Variants in RIPOR2 observed in about 807,000 individuals in gnomAD.
RIPOR2 encodes the protein RHO family interacting cell polarization regulator 2.
Under a neutral mutation model 114.5 loss-of-function variants are expected in RIPOR2, and 39 were observed. The ratio of observed to expected loss-of-function variants is 0.34; its 90% CI spans 0.26 to 0.44. The LOEUF (loss-of-function observed/expected upper bound fraction) is 0.44. Among genes scored for constraint, RIPOR2 ranks in the 20% least tolerant of loss-of-function variants. The pLI is 1.00. For missense variants in RIPOR2, 1,007 were observed against 1,255.1 expected, an observed-to-expected ratio of 0.80 and a Z score of 2.99; for synonymous variants, 445 against 484.4, an observed-to-expected ratio of 0.92 and a Z score of 1.07.
At chr6:25,030,638 T>C (rs1186613964) in intron 1 of RIPOR2, among the ~76,000 whole-genome samples, 1 of 152,210 alleles carries the variant, frequency 6.6e-6, no homozygotes, top group African/African-American at 2.4e-5. Flanking sequence ...ATGATTCTGT[T>C]TATGAGATAT....
At chr6:24,938,776 C>T (rs1267841996), upstream of RIPOR2, among the ~76,000 whole-genome samples, 11 of 152,158 alleles carry the variant, frequency 7.2e-5, no homozygotes, top group East Asian at 7.7e-4. Flanking sequence ...AATGCTACCA[C>T]GAACTCCTTG....
At chr6:24,945,112 T>G (rs967347571) in intron 1 of RIPOR2, among the ~76,000 whole-genome samples, 1 of 151,960 alleles carries the variant, frequency 6.6e-6, no homozygotes, top group Non-Finnish European at 1.5e-5. Flanking sequence ...AAATATCACA[T>G]GTACCCCCAA....
intron 1 of RIPOR2, among the ~76,000 whole-genome samples, chr6:24,910,268 G>A (rs943998656): frequency 6.6e-6 from 1 of 152,016 alleles, no homozygotes; most frequent in African/African-American, 2.4e-5. Flanking sequence ...CATTCCACCT[G>A]GCCAATTTGG....
chr6:25,030,047 C>G (rs953649109), intron 1 of RIPOR2, among the ~76,000 whole-genome samples: 5 of 152,034 alleles, frequency 3.3e-5, no homozygotes, highest in Admixed American at 2.0e-4. Flanking sequence ...CTTAGCATGA[C>G]AGGACCGTTA....
chr6:24,957,700 C>T (rs1008363498), intron 1 of RIPOR2, among the ~76,000 whole-genome samples: 3 of 152,198 alleles, frequency 2.0e-5, no homozygotes, highest in Middle Eastern at 6.8e-3. Flanking sequence ...GATGAAACCC[C>T]GTCTCCACTG....
At chr6:25,030,362 C>G (rs1200452340) in intron 1 of RIPOR2, among the ~76,000 whole-genome samples, 2 of 152,078 alleles carry the variant, frequency 1.3e-5, no homozygotes, top group African/African-American at 4.8e-5. Context: ...TTCAGAGTCC[C>G]TCGTTTGCTC....
intron 1 of RIPOR2, among the ~76,000 whole-genome samples, chr6:24,980,044 C>A (rs1484495301): frequency 3.3e-5 from 5 of 152,214 alleles, no homozygotes; most frequent in African/African-American, 1.2e-4. Context: ...CCCATACTTA[C>A]AGAAGCCCAG....
intron 11 of RIPOR2, among the ~76,000 whole-genome samples, chr6:24,848,518 G>A (rs149462210): frequency 1.3e-5 from 2 of 152,298 alleles, no homozygotes; most frequent in African/African-American, 2.4e-5. Context: ...TGCGGGGCTA[G>A]ATACCTTAAT....
At chr6:24,908,474 G>A (rs535831559) in intron 1 of RIPOR2, among the ~76,000 whole-genome samples, 2 of 152,336 alleles carry the variant, frequency 1.3e-5, no homozygotes, top group African/African-American at 4.8e-5. Flanking sequence ...TCTTGACAGA[G>A]GGGTGAACCA....
At chr6:24,849,447 AC>A (rs1437420628) in intron 11 of RIPOR2, among the ~76,000 whole-genome samples, 2 of 152,194 alleles carry the variant, frequency 1.3e-5, no homozygotes, top group African/African-American at 4.8e-5. Context: ...CGCCTATTGG[AC>A]AGATATTTTC....
chr6:24,835,657 T>G lies in RIPOR2; in HGVS notation c.2208+46A>C, dbSNP rs181844890. 1.8e-4 allele frequency: 272 copies of G among 1,527,598 alleles called. 2 individuals carry two copies. The East Asian group carries it at 6.3e-3, about 35-fold the overall frequency. 94.6% of individuals were successfully genotyped at this position (1,527,598 alleles called of 1,614,324 possible). On this transcript the variant is annotated intron_variant, in intron 15 of 21. Coordinates refer to ENST00000643898, the MANE Select transcript of RIPOR2 (RefSeq NM_001286445.3). ...AAAAATGAAAGCACACTTCCTGGTA[T>G]GTAAATCACCTGGCATCTCAAACAC...
At position 24,867,638 on chromosome 6, in the gene RIPOR2, A is replaced by G. The variant is rs1764744942; in HGVS notation, c.501+1456T>C. On this transcript the variant is annotated intron_variant, in intron 6 of 21. Coordinates refer to ENST00000643898, the MANE Select transcript of RIPOR2 (RefSeq NM_001286445.3). ...CCATCGGTATAGCCATAATGACTTA[A>G]TCTATTACTTTGTGTAGTGAGAAAG... Among the ~76,000 whole-genome samples, 4 of 152,236 alleles carry G rather than the reference A, an allele frequency of 2.6e-5. No individual in the cohort carries two copies. In the South Asian group the frequency reaches 8.3e-4, roughly 32 times the overall value.
At chr6:24,976,578 G>T in intron 1 of RIPOR2, 1 of 1,601,278 alleles carries the variant, frequency 6.2e-7, no homozygotes, top group South Asian at 1.1e-5. Flanking sequence ...AGGTCCCAAA[G>T]ACAGCAGAAA....
intron 1 of RIPOR2, among the ~76,000 whole-genome samples, chr6:24,967,876 A>G: frequency 6.7e-6 from 1 of 149,256 alleles, no homozygotes; most frequent in East Asian, 2.0e-4. Flanking sequence ...ACCTGAGACC[A>G]TGGACCACCT....
intron 16 of RIPOR2, among the ~76,000 whole-genome samples, 160 bp from the exon 17 acceptor site, chr6:24,830,830 C>T (rs1485361707): frequency 6.6e-6 from 1 of 152,068 alleles, no homozygotes; most frequent in South Asian, 2.1e-4. Flanking sequence ...ATTCTCTTGC[C>T]TGAGCTTCCC....
intron 12 of RIPOR2, chr6:24,847,539 C>T (rs929060388): frequency 6.4e-7 from 1 of 1,551,196 alleles, no homozygotes; most frequent in African/African-American, 1.4e-5. Context: ...AGGCCACACT[C>T]ACATAGAGCT....
chr6:24,824,090 A>G (rs1263469510), intron 19 of RIPOR2, among the ~76,000 whole-genome samples: 1 of 152,174 alleles, frequency 6.6e-6, no homozygotes, highest in Non-Finnish European at 1.5e-5. Context: ...CATTTCGAAC[A>G]CTGGCCCCTC....
intron 5 of RIPOR2, among the ~76,000 whole-genome samples, chr6:24,869,866 C>T (rs774668622): frequency 5.9e-5 from 9 of 151,988 alleles, no homozygotes; most frequent in African/African-American, 1.5e-4. Flanking sequence ...CAATTGCTAC[C>T]GGCAGACAGC....
chr6:25,025,109 A>T (rs775439355), intron 1 of RIPOR2, among the ~76,000 whole-genome samples: 5 of 152,182 alleles, frequency 3.3e-5, no homozygotes, highest in Non-Finnish European at 5.9e-5. Context: ...GAGAGGACAG[A>T]GTTTGATATG....
Sources: gnomAD v4.1 joint callset for allele counts (sites outside exome capture counted in the v4.1 genomes callset) on GRCh38, gnomAD v4.1.1 for gene constraint, MANE v1.5 for transcripts, NCBI Gene and HGNC (gene_info 2026-07-23, HGNC 2026-07-21) for gene names.